RBFOX1: variants seen among roughly 807,000 people sequenced by gnomAD.
The protein encoded by RBFOX1 is RNA binding protein fox-1 homolog 1.
A neutral mutation model predicts 57.7 loss-of-function variants in RBFOX1; 8 were observed. That is an observed-to-expected ratio of 0.14 (90% confidence interval 0.08 to 0.25). RBFOX1 has a LOEUF of 0.25. Among genes scored for constraint, RBFOX1 ranks in the 10% least tolerant of loss-of-function variants. The probability of loss-of-function intolerance (pLI) is 1.00; values close to 1 mark genes in which losing one functional copy is unlikely to be tolerated. For missense variants in RBFOX1, 611 were observed against 548.5 expected, an observed-to-expected ratio of 1.11 and a Z score of -1.14; for synonymous variants, 326 against 222.4, an observed-to-expected ratio of 1.47 and a Z score of -4.15.
intron 4 of RBFOX1, among the ~76,000 whole-genome samples, chr16:5,962,865 C>T (rs1258321602): frequency 1.4e-5 from 2 of 141,132 alleles, no homozygotes; most frequent in Non-Finnish European, 1.5e-5. Context: ...GTGAGTATGT[C>T]GCCTTGAGAG....
chr16:7,134,372 C>T (rs1003073508), intron 4 of RBFOX1, among the ~76,000 whole-genome samples: 2 of 152,106 alleles, frequency 1.3e-5, no homozygotes, highest in Non-Finnish European at 2.9e-5. Flanking sequence ...ACTTTAACAT[C>T]GCTCTGGGAG....
At chr16:7,038,786 C>T (rs983608750) in intron 3 of RBFOX1, among the ~76,000 whole-genome samples, 2 of 152,100 alleles carry the variant, frequency 1.3e-5, no homozygotes, top group Non-Finnish European at 1.5e-5. Flanking sequence ...CTGTCTGGAC[C>T]TGGGGGACTT....
chr16:5,856,585 A>ATATATATG (rs2057074409), intron 3 of RBFOX1, among the ~76,000 whole-genome samples: 1 of 74,236 alleles, frequency 1.3e-5, no homozygotes, highest in African/African-American at 4.4e-5. Context: ...GTATATATAT[A>ATATATATG]TATATATATA....
At chr16:7,331,354 G>A (rs1015071042) in intron 4 of RBFOX1, among the ~76,000 whole-genome samples, 1 of 152,128 alleles carries the variant, frequency 6.6e-6, no homozygotes, top group African/African-American at 2.4e-5. Flanking sequence ...CATTTTGAAG[G>A]TGATTTTCAG....
chr16:7,184,975 T>C (rs897791464), intron 4 of RBFOX1, among the ~76,000 whole-genome samples: 11 of 152,146 alleles, frequency 7.2e-5, no homozygotes, highest in African/African-American at 2.7e-4. Flanking sequence ...AGCATTACAG[T>C]AAACATACAA....
At chr16:6,657,958 T>C (rs1366750761) in intron 3 of RBFOX1, among the ~76,000 whole-genome samples, 1 of 152,206 alleles carries the variant, frequency 6.6e-6, no homozygotes, top group East Asian at 1.9e-4. Flanking sequence ...TGGCTTTCTG[T>C]CTACTTCGTT....
intron 4 of RBFOX1, among the ~76,000 whole-genome samples, chr16:7,291,933 A>T (rs928100643): frequency 2.0e-5 from 2 of 98,506 alleles, no homozygotes; most frequent in Non-Finnish European, 4.4e-5. Flanking sequence ...AATGTATTTT[A>T]TATATTATAT....
chr16:6,175,697 G>C (rs2097000765), intron 1 of RBFOX1, among the ~76,000 whole-genome samples: 1 of 152,194 alleles, frequency 6.6e-6, no homozygotes, highest in Non-Finnish European at 1.5e-5. Context: ...CATGGGGCCT[G>C]AGATCCTGGA....
At chr16:7,517,265 G>C (rs140643742) in intron 4 of RBFOX1, among the ~76,000 whole-genome samples, 2 of 150,670 alleles carry the variant, frequency 1.3e-5, no homozygotes, top group Non-Finnish European at 3.0e-5. Context: ...TCAGGTTTTT[G>C]TTGTGTGTGT....
At chr16:6,160,168 C>T (rs2096867625) in intron 1 of RBFOX1, among the ~76,000 whole-genome samples, 1 of 152,126 alleles carries the variant, frequency 6.6e-6, no homozygotes, top group Admixed American at 6.6e-5. Context: ...TTTTTCCTAA[C>T]CTTAATTAAA....
chr16:7,041,820 G>T (rs79149720), intron 3 of RBFOX1, among the ~76,000 whole-genome samples: 14,299 of 152,014 alleles, frequency 0.094, 1,114 homozygotes, highest in East Asian at 0.32. Context: ...CCAATTGCTG[G>T]TATTTGCTGA....
chr16:5,577,493 C>G (rs1179461687), intron 2 of RBFOX1, among the ~76,000 whole-genome samples: 1 of 152,148 alleles, frequency 6.6e-6, no homozygotes, highest in Admixed American at 6.5e-5. Context: ...GCTTTTTCCT[C>G]CCCCTACTCA....
At chr16:6,012,779 C>A (rs1249437964) in intron 4 of RBFOX1, among the ~76,000 whole-genome samples, 3 of 152,090 alleles carry the variant, frequency 2.0e-5, no homozygotes, top group African/African-American at 7.2e-5. Flanking sequence ...TGTCCTCAGG[C>A]TCATTGCAAG....
At chr16:6,603,834 G>C (rs960443331) in intron 2 of RBFOX1, among the ~76,000 whole-genome samples, 3 of 152,100 alleles carry the variant, frequency 2.0e-5, no homozygotes, top group African/African-American at 7.2e-5. Flanking sequence ...TATAGACATA[G>C]ACAGTTGTCC....
rs1422591604 is a variant in RBFOX1 at position 6,872,106 on chromosome 16, A to C, written c.-15-179951A>C. 2.0e-5 allele frequency among the ~76,000 whole-genome samples: 3 copies of C among 152,202 alleles called. No homozygotes were observed. In the East Asian group the frequency reaches 5.8e-4, roughly 29 times the overall value. On this transcript the variant is annotated intron_variant, in intron 3 of 15. Coordinates refer to ENST00000550418, the MANE Select transcript of RBFOX1 (RefSeq NM_018723.4). ...CTTTTCACAGCATAATTGTAATGGTACCTGTTATGTTTTAATATGATACGC... is the reference window on the plus strand; with the variant it reads ...CTTTTCACAGCATAATTGTAATGGTCCCTGTTATGTTTTAATATGATACGC...
At chr16:6,547,234 G>C (rs2096909025) in intron 2 of RBFOX1, among the ~76,000 whole-genome samples, 1 of 152,130 alleles carries the variant, frequency 6.6e-6, no homozygotes, top group African/African-American at 2.4e-5. Flanking sequence ...TATAGTATCT[G>C]TTTTTTCTTC....
chr16:6,471,157 C>T (rs1192223489), intron 2 of RBFOX1, among the ~76,000 whole-genome samples: 1 of 152,178 alleles, frequency 6.6e-6, no homozygotes, highest in Non-Finnish European at 1.5e-5. Flanking sequence ...ATCAGTTCAC[C>T]CAGTCACATC....
chr16:7,707,166 A>C (rs929201733), intron 14 of RBFOX1, among the ~76,000 whole-genome samples: 10 of 152,180 alleles, frequency 6.6e-5, no homozygotes, highest in African/African-American at 2.4e-4. Context: ...ATTTGCACTC[A>C]TCAAGTGCCC....
At chr16:5,291,491 C>A (rs547318535) in intron 1 of RBFOX1, among the ~76,000 whole-genome samples, 78 of 152,060 alleles carry the variant, frequency 5.1e-4, no homozygotes, top group African/African-American at 1.8e-3. Context: ...TCTGGATCTC[C>A]CTAATGTCAT....
Sources: allele counts gnomAD v4.1 joint callset (sites outside exome capture counted in the v4.1 genomes callset), GRCh38; gene constraint gnomAD v4.1.1; transcripts MANE v1.5; gene names NCBI Gene and HGNC (gene_info 2026-07-23, HGNC 2026-07-21).